ADCYAP1R1: variants seen among roughly 807,000 people sequenced by gnomAD.
ADCYAP1R1 encodes the protein pituitary adenylate cyclase-activating polypeptide type I receptor.
Under a neutral mutation model 67.6 loss-of-function variants are expected in ADCYAP1R1, and 44 were observed. The ratio of observed to expected loss-of-function variants is 0.65; its 90% confidence interval spans 0.51 to 0.84. The LOEUF (loss-of-function observed/expected upper bound fraction) is 0.84. Among genes scored for constraint, ADCYAP1R1 ranks in the 40% least tolerant of loss-of-function variants. The pLI, the probability that ADCYAP1R1 is intolerant of heterozygous loss-of-function variation, is 0.00. For missense variants in ADCYAP1R1, 477 were observed against 587.9 expected (o/e 0.81, Z 1.95); for synonymous variants, 222 against 219.6 (o/e 1.01, Z -0.10).
intron 13 of ADCYAP1R1, among the ~76,000 whole-genome samples, chr7:31,095,997 G>C (rs970833126): frequency 6.6e-6 from 1 of 152,192 alleles, no homozygotes; most frequent in Non-Finnish European, 1.5e-5. Flanking sequence ...CTTGGTCTGG[G>C]GCAGGGGTGA....
chr7:31,095,669 C>G (rs1302104940), intron 13 of ADCYAP1R1: 3 of 717,838 alleles, frequency 4.2e-6, no homozygotes, highest in African/African-American at 1.7e-5. Context: ...ATTTCCAGAA[C>G]AAATTTAAGC....
Position 31,080,800 on chromosome 7 carries a change from C to T in ADCYAP1R1, c.286+167C>T, listed in dbSNP as rs535305100. On this transcript the variant is annotated intron_variant, in intron 5 of 15. Transcript: ENST00000304166. ...CCTTCCTTCCTCCCCTCTCCCCGAC[C>T]TTGGCCATTCTGGAGGTCGGGGGGC... Among the ~76,000 whole-genome samples, 49 of 152,264 alleles carry T rather than the reference C, an allele frequency of 3.2e-4. 1 individual carries two copies. The Middle Eastern group carries it at 0.01, about 32-fold the overall frequency.
intron 11 of ADCYAP1R1, 90 bp from the exon 12 acceptor site, chr7:31,087,537 C>A: frequency 8.5e-7 from 1 of 1,174,652 alleles, no homozygotes; most frequent in Non-Finnish European, 1.3e-6. Context: ...GTGAAAGTGT[C>A]GGGCACCCAG....
chr7:31,080,495 T>C (rs1419581371), intron 4 of ADCYAP1R1, 118 bp from the exon 5 acceptor site: 1 of 1,038,944 alleles, frequency 9.6e-7, no homozygotes, highest in Non-Finnish European at 1.4e-6. Flanking sequence ...CTCTTTAATG[T>C]TTGGGGTTGG....
chr7:31,078,101 G>A lies in ADCYAP1R1; in HGVS notation c.265+3G>A. ...CCGAATCTTCAACCCAGACCAAGGT[G>A]GGTTTAGCCCAGTCTCTTTAGGCCA... On this transcript the variant is annotated splice_donor_region_variant and intron_variant, in intron 4 of 15. Coordinates refer to ENST00000304166, the MANE Select transcript of ADCYAP1R1 (RefSeq NM_001118.5). 6.2e-7 allele frequency: 1 copy of A among 1,607,598 alleles called. No individual in the cohort carries two copies. The highest frequency in any genetic ancestry group is 8.5e-7 in the Non-Finnish European group (1 of 1,176,756).
chr7:31,098,068 T>C (rs951767210), intron 13 of ADCYAP1R1, among the ~76,000 whole-genome samples: 5 of 151,998 alleles, frequency 3.3e-5, no homozygotes, highest in African/African-American at 1.2e-4. Flanking sequence ...GCCCGGCTAA[T>C]TTTTTTGTAT....
chr7:31,066,004 C>T (rs1794721087), intron 3 of ADCYAP1R1, among the ~76,000 whole-genome samples: 1 of 152,246 alleles, frequency 6.6e-6, no homozygotes, highest in Non-Finnish European at 1.5e-5. Flanking sequence ...GCCTTTGCCT[C>T]CGCTGAGCTC....
In ADCYAP1R1 at chr7:31,110,554, T is replaced by G. The variant is rs923173285; in HGVS notation, c.*3870T>G. ...AATGAGTAAATGGCTCACCAATTTA[T>G]GCATAGCCCTGCACATGAGCAGAAT... On this transcript the variant is annotated 3_prime_UTR_variant, in exon 16 of 16. Transcript: ENST00000304166. 2 of 152,374 alleles carry G rather than the reference T, an allele frequency of 1.3e-5. No individual in the cohort carries two copies. The highest frequency in any genetic ancestry group is 3.9e-4 in the East Asian group (2 of 5,192). The allele number at this position is 152,374 out of a possible 1,614,324, so 9.4% of individuals were successfully genotyped here.
intron 1 of ADCYAP1R1, among the ~76,000 whole-genome samples, chr7:31,053,734 CT>C (rs1370819074): frequency 6.6e-6 from 1 of 152,250 alleles, no homozygotes; most frequent in Admixed American, 6.5e-5. Context: ...CAAAGCCCCC[CT>C]GGCCCTCTCC....
intron 1 of ADCYAP1R1, among the ~76,000 whole-genome samples, chr7:31,054,319 G>A (rs112889345): frequency 9.5e-4 from 144 of 152,284 alleles, no homozygotes; most frequent in Middle Eastern, 3.4e-3. Context: ...GTGAGGGGAG[G>A]TGTCTGTGGG....
rs755269020 is a variant in ADCYAP1R1 at position 31,064,815 on chromosome 7, C to T, written c.52-16C>T. 6.3e-6 allele frequency: 10 copies of T among 1,598,786 alleles called. No individual in the cohort carries two copies. Among genetic ancestry groups the T allele is most frequent in the Non-Finnish European group, 2.6e-6 (3 of 1,170,774 alleles). The stretch of plus-strand genomic sequence containing the variant: ...CTCCTACCCGCTCCCACCATCCATC[C>T]TGTGTTCTCCTACAGGCCCCTGCCA... On this transcript the variant is annotated splice_polypyrimidine_tract_variant and intron_variant, in intron 2 of 15. Coordinates refer to ENST00000304166, the MANE Select transcript of ADCYAP1R1 (RefSeq NM_001118.5).
At chr7:31,103,390 C>T (rs1228689409) in intron 14 of ADCYAP1R1, 24 bp downstream of exon 14, 8 of 1,613,924 alleles carry the variant, frequency 5.0e-6, no homozygotes, top group Non-Finnish European at 6.8e-6. Flanking sequence ...ATGGGGAGGA[C>T]AGAACTCACT....
At chr7:31,077,083 G>A (rs1408273543) in intron 3 of ADCYAP1R1, among the ~76,000 whole-genome samples, 6 of 152,164 alleles carry the variant, frequency 3.9e-5, no homozygotes, top group African/African-American at 7.2e-5. Context: ...AGTGCCTTGC[G>A]TCTCCATTCC....
chr7:31,071,504 C>G (rs539429048), intron 3 of ADCYAP1R1, among the ~76,000 whole-genome samples: 2 of 152,318 alleles, frequency 1.3e-5, no homozygotes, highest in South Asian at 4.1e-4. Context: ...TTTTCAACCT[C>G]TGGAGGACGA....
At chr7:31,068,249 G>A (rs1236461550) in intron 3 of ADCYAP1R1, among the ~76,000 whole-genome samples, 2 of 151,786 alleles carry the variant, frequency 1.3e-5, no homozygotes, top group East Asian at 1.9e-4. Context: ...GTACAAGAAC[G>A]CATTTAACCC....
chr7:31,055,429 A>G (rs557330117), intron 1 of ADCYAP1R1, among the ~76,000 whole-genome samples: 54 of 152,186 alleles, frequency 3.5e-4, no homozygotes, highest in African/African-American at 1.3e-3. Context: ...GATAGCAATT[A>G]TTTTACGCTT....
At chr7:31,095,499 G>C (rs762503864) in intron 13 of ADCYAP1R1, among the ~76,000 whole-genome samples, 1 of 152,138 alleles carries the variant, frequency 6.6e-6, no homozygotes, top group Admixed American at 6.5e-5. Context: ...GCACTGGGAG[G>C]AGGGGAGAAT....
intron 3 of ADCYAP1R1, among the ~76,000 whole-genome samples, chr7:31,072,017 A>G (rs1296662887): frequency 3.7e-5 from 1 of 26,704 alleles, no homozygotes; most frequent in African/African-American, 1.5e-4. Flanking sequence ...CCACCCACCC[A>G]CCCACCCATC....
intron 3 of ADCYAP1R1, among the ~76,000 whole-genome samples, chr7:31,065,928 G>C (rs1210537767): frequency 6.6e-6 from 1 of 152,258 alleles, no homozygotes; most frequent in Non-Finnish European, 1.5e-5. Flanking sequence ...CCACTGGACG[G>C]AGCTGCCCAG....
Sources: allele counts gnomAD v4.1 joint callset (sites outside exome capture counted in the v4.1 genomes callset), GRCh38; gene constraint gnomAD v4.1.1; transcripts MANE v1.5; gene names NCBI Gene and HGNC (gene_info 2026-07-23, HGNC 2026-07-21).